C2CD5: variants seen among roughly 807,000 people sequenced by gnomAD.
C2CD5 encodes the protein C2 domain-containing protein 5.
A neutral mutation model predicts 130.3 loss-of-function variants in C2CD5; 109 were observed. That is an observed-to-expected ratio of 0.84 (90% CI 0.72 to 0.98). The LOEUF (loss-of-function observed/expected upper bound fraction) is 0.98. C2CD5 is among the 50% of genes least tolerant of loss of function. The pLI is 0.00. For missense variants in C2CD5, 996 were observed against 1,261.8 expected (o/e 0.79, Z 3.19); for synonymous variants, 454 against 429.2 (o/e 1.06, Z -0.71).
At position 22,544,273 on chromosome 12, in the gene C2CD5, GGGGCGCGCGC is replaced by G. The variant is rs1440244684; in HGVS notation, c.-30+37_-30+46del. Reference sequence around the variant, plus strand: ...GTAACTGACAGCGAAGGAGCGCGCGGGGGCGCGCGCGGGCGCCCGGCAGTCGCGCCACGGG... The same window carrying G: ...GTAACTGACAGCGAAGGAGCGCGCGGGGGCGCCCGGCAGTCGCGCCACGGG... On this transcript the variant is annotated intron_variant, in intron 1 of 26. Transcript: ENST00000446597. 1.8e-5 allele frequency: 16 copies of G among 871,228 alleles called. No homozygotes were observed. In the Admixed American group the frequency reaches 2.3e-4, roughly 12 times the overall value. 54.0% of individuals were successfully genotyped at this position (871,228 alleles called of 1,614,324 possible). A position where few individuals can be genotyped will look rare whatever the true frequency, so the allele number is the denominator to read the frequency against.
Position 22,471,285 on chromosome 12 carries a change from T to C in C2CD5, c.2358+114A>G, listed in dbSNP as rs904936871. ...GCATACTAACATATATTTTTTAATA[T>C]TGTGAGGTAAACTAGTATATGTTTA... On this transcript the variant is annotated intron_variant, in intron 20 of 26. Transcript: ENST00000446597. The C allele has an allele frequency of 1.6e-5, 10 of 641,462 alleles. No individual in the cohort carries two copies. In the Middle Eastern group the frequency reaches 1.2e-3, roughly 79 times the overall value. 39.7% of individuals were successfully genotyped at this position (641,462 alleles called of 1,614,324 possible).
intron 12 of C2CD5, among the ~76,000 whole-genome samples, chr12:22,488,618 T>C (rs1403455624): frequency 1.3e-5 from 2 of 152,074 alleles, no homozygotes; most frequent in African/African-American, 4.8e-5. Flanking sequence ...CTATATTGTA[T>C]CACTGGTACA....
intron 2 of C2CD5, 104 bp downstream of exon 2, chr12:22,543,957 G>A: frequency 1.2e-6 from 1 of 829,068 alleles, no homozygotes; most frequent in Non-Finnish European, 2.0e-6. Context: ...CCGAAGGGAG[G>A]GCAGTCGAGG....
rs545805679 is a variant in C2CD5, at chr12:22,488,598, C to T, written c.1358+1525G>A. Among the ~76,000 whole-genome samples the T allele has an allele frequency of 7.1e-4, 108 of 152,078 alleles. 1 individual carries two copies. In the South Asian group the frequency reaches 0.017, roughly 24 times the overall value. On this transcript the variant is annotated intron_variant, in intron 12 of 26. Transcript: ENST00000446597. ...TCAACTTAAGAATGAAATCTACAGA[C>T]GTGTAAGAACTATATTGTATCACTG...
chr12:22,535,184 G>T, intron 3 of C2CD5, 74 bp downstream of exon 3: 1 of 800,750 alleles, frequency 1.2e-6, no homozygotes, highest in Middle Eastern at 2.3e-4. Flanking sequence ...GAAATAAAAG[G>T]TTCTCATTAT....
At chr12:22,504,860 T>C (rs1298364616) in intron 10 of C2CD5, among the ~76,000 whole-genome samples, 3 of 152,050 alleles carry the variant, frequency 2.0e-5, no homozygotes, top group African/African-American at 4.8e-5. Context: ...AAGATCCCAA[T>C]ACATTAAACT....
intron 10 of C2CD5, among the ~76,000 whole-genome samples, chr12:22,499,684 A>G (rs544345442): frequency 6.6e-6 from 1 of 152,268 alleles, no homozygotes; most frequent in East Asian, 1.9e-4. Flanking sequence ...AAATGTGCCC[A>G]TGGGCTACCC....
chr12:22,506,944 T>C (rs1171985136), intron 9 of C2CD5, 125 bp from the exon 10 acceptor site: 2 of 622,278 alleles, frequency 3.2e-6, no homozygotes, highest in East Asian at 5.4e-5. Flanking sequence ...CCATTACACA[T>C]CACACATGCT....
At chr12:22,483,692 A>G (rs1469845793) in intron 13 of C2CD5, among the ~76,000 whole-genome samples, 3 of 152,184 alleles carry the variant, frequency 2.0e-5, no homozygotes, top group Non-Finnish European at 4.4e-5. Context: ...TTAGAAATAC[A>G]TTTTAGAAGA....
chr12:22,518,589 C>T (rs1949985035), intron 7 of C2CD5, among the ~76,000 whole-genome samples: 1 of 152,144 alleles, frequency 6.6e-6, no homozygotes, highest in African/African-American at 2.4e-5. Context: ...AAGAGTGCCA[C>T]AGCTAAAAAC....
intron 13 of C2CD5, among the ~76,000 whole-genome samples, chr12:22,483,828 C>T (rs1945075505): frequency 6.6e-6 from 1 of 151,960 alleles, no homozygotes; most frequent in Admixed American, 6.6e-5. Context: ...ACAGAAAAGG[C>T]TAATAAGAAA....
chr12:22,450,756 T>C (rs376300197), intron 26 of C2CD5, among the ~76,000 whole-genome samples: 1 of 152,116 alleles, frequency 6.6e-6, no homozygotes, highest in Admixed American at 6.6e-5. Flanking sequence ...ATGCATCACA[T>C]TGTTTTTGTA....
chr12:22,450,151 A>G (rs1372821408), intron 26 of C2CD5, among the ~76,000 whole-genome samples: 7 of 152,146 alleles, frequency 4.6e-5, no homozygotes, highest in African/African-American at 9.7e-5. Flanking sequence ...ACGAGACACC[A>G]CTTCATATAT....
chr12:22,512,808 T>C, intron 9 of C2CD5: 3 of 556,312 alleles, frequency 5.4e-6, no homozygotes, highest in Non-Finnish European at 6.1e-6. Flanking sequence ...AATAGATGCA[T>C]TATACTGAAT....
chr12:22,523,867 A>C (rs1251123055), intron 6 of C2CD5, among the ~76,000 whole-genome samples: 1 of 151,042 alleles, frequency 6.6e-6, no homozygotes, highest in Non-Finnish European at 1.5e-5. Context: ...TAGAATAAAA[A>C]CAAATATATT....
intron 10 of C2CD5, among the ~76,000 whole-genome samples, chr12:22,505,291 CTT>C (rs1281485693): frequency 3.3e-5 from 4 of 123,068 alleles, no homozygotes; most frequent in Admixed American, 2.8e-4. Context: ...GAGTTTCGCT[CTT>C]GTCGCCCAGG....
At chr12:22,460,575 C>T (rs954389930) in intron 22 of C2CD5, 7 of 151,964 alleles carry the variant, frequency 4.6e-5, no homozygotes, top group Non-Finnish European at 8.8e-5. Context: ...CCACACCCCA[C>T]CAACACAATT....
chr12:22,461,273 G>C (rs904442890), intron 22 of C2CD5, among the ~76,000 whole-genome samples: 2 of 152,178 alleles, frequency 1.3e-5, no homozygotes, highest in African/African-American at 4.8e-5. Context: ...GATTTGGTTG[G>C]TGTAGAATTA....
intron 26 of C2CD5, among the ~76,000 whole-genome samples, chr12:22,453,377 A>T (rs1487750331): frequency 3.3e-5 from 5 of 152,324 alleles, no homozygotes; most frequent in South Asian, 2.1e-4. Context: ...ATTAATTTTT[A>T]AAAAATTTTA....
Sources: allele counts gnomAD v4.1 joint callset (sites outside exome capture counted in the v4.1 genomes callset), GRCh38; gene constraint gnomAD v4.1.1; transcripts MANE v1.5; gene names NCBI Gene and HGNC (gene_info 2026-07-23, HGNC 2026-07-21).